NRXN1: variants seen among roughly 807,000 people sequenced by gnomAD.
NRXN1 encodes neurexin 1, also known as neurexin-1.
In NRXN1, 39 loss-of-function variants were observed where a neutral mutation model predicts 150.9. That is an observed-to-expected ratio of 0.26 (90% CI 0.20 to 0.34). The LOEUF (loss-of-function observed/expected upper bound fraction) is 0.34, where lower values mean the gene tolerates loss of function less well. Ranked by LOEUF, NRXN1 falls within the 10% of genes least tolerant of loss-of-function variation. The probability of loss-of-function intolerance (pLI) is 1.00; values close to 1 mark genes in which losing one functional copy is unlikely to be tolerated. For missense variants in NRXN1, 1,815 were observed against 1,949.9 expected, an observed-to-expected ratio of 0.93 and a Z score of 1.30; for synonymous variants, 924 against 757.0, an observed-to-expected ratio of 1.22 and a Z score of -3.62.
intron 22 of NRXN1, among the ~76,000 whole-genome samples, chr2:49,936,817 T>C (rs12465691): frequency 0.22 from 32,300 of 148,464 alleles, 3,652 homozygotes; most frequent in East Asian, 0.3. Flanking sequence ...AAAACATATG[T>C]ACACACACAC....
chr2:50,200,583 T>C (rs970521206), intron 18 of NRXN1, among the ~76,000 whole-genome samples: 2 of 152,158 alleles, frequency 1.3e-5, no homozygotes, highest in Non-Finnish European at 2.9e-5. Context: ...CAGGCTCTCA[T>C]TGGTGTAACC....
chr2:50,234,854 C>T (rs1167180480), intron 18 of NRXN1, among the ~76,000 whole-genome samples: 1 of 152,000 alleles, frequency 6.6e-6, no homozygotes, highest in Admixed American at 6.6e-5. Flanking sequence ...ATCAGAAATC[C>T]ATGGCTCGTA....
chr2:50,249,795 G>A (rs977409907), intron 17 of NRXN1, among the ~76,000 whole-genome samples: 3 of 151,860 alleles, frequency 2.0e-5, no homozygotes, highest in Admixed American at 6.6e-5. Flanking sequence ...GCGCCACTAT[G>A]GCTGTCAAAT....
Position 50,752,507 on chromosome 2 carries a change from T to C in NRXN1, c.833-128892A>G, listed in dbSNP as rs550740153. ...ACTATAGGATTTCAAACTGCTGATCTGGAGAGATGAATCGTGAAGCAATCT... is the reference window on the plus strand; with the variant it reads ...ACTATAGGATTTCAAACTGCTGATCCGGAGAGATGAATCGTGAAGCAATCT... On this transcript the variant is annotated intron_variant, in intron 5 of 22. Transcript: ENST00000401669. 6.6e-5 allele frequency among the ~76,000 whole-genome samples: 10 copies of C among 152,086 alleles called. No individual in the cohort carries two copies. The South Asian group carries it at 1.9e-3, about 28-fold the overall frequency.
At chr2:50,490,862 G>T (rs1383382872) in intron 15 of NRXN1, among the ~76,000 whole-genome samples, 5 of 152,050 alleles carry the variant, frequency 3.3e-5, no homozygotes, top group Non-Finnish European at 7.4e-5. Flanking sequence ...CAGCTGAAAG[G>T]GTTTCTTGTC....
At chr2:50,095,789 TATA>T (rs1441309237) in intron 18 of NRXN1, among the ~76,000 whole-genome samples, 2 of 150,500 alleles carry the variant, frequency 1.3e-5, no homozygotes, top group Admixed American at 1.3e-4. Context: ...ATTTTATATA[TATA>T]TTTTTTTATT....
intron 5 of NRXN1, among the ~76,000 whole-genome samples, chr2:50,903,310 C>G (rs1449825496): frequency 6.6e-6 from 1 of 152,088 alleles, no homozygotes; most frequent in Non-Finnish European, 1.5e-5. Context: ...TCTTGTTGAC[C>G]AAAATGACTT....
chr2:50,537,273 G>A (rs1161056197), intron 10 of NRXN1, among the ~76,000 whole-genome samples: 1 of 152,112 alleles, frequency 6.6e-6, no homozygotes, highest in Non-Finnish European at 1.5e-5. Flanking sequence ...ATAAAGCAAT[G>A]TTATTTGTAG....
At chr2:50,030,391 C>G (rs1689017183) in intron 21 of NRXN1, among the ~76,000 whole-genome samples, 1 of 152,068 alleles carries the variant, frequency 6.6e-6, no homozygotes, top group East Asian at 1.9e-4. Context: ...CCCCCATCTC[C>G]CAGTCTCTGT....
At chr2:50,599,334 G>A (rs750030629) in intron 8 of NRXN1, among the ~76,000 whole-genome samples, 3 of 152,018 alleles carry the variant, frequency 2.0e-5, no homozygotes, top group Non-Finnish European at 2.9e-5. Flanking sequence ...AAGCCACACC[G>A]CTCCAAATAA....
intron 21 of NRXN1, among the ~76,000 whole-genome samples, chr2:49,974,512 A>T (rs1224267620): frequency 1.3e-5 from 2 of 152,176 alleles, no homozygotes; most frequent in African/African-American, 4.8e-5. Context: ...CCCAGCCCTT[A>T]AACTGTTATG....
chr2:50,361,179 C>A (rs1463015414), intron 17 of NRXN1, among the ~76,000 whole-genome samples: 1 of 152,092 alleles, frequency 6.6e-6, no homozygotes, highest in Non-Finnish European at 1.5e-5. Flanking sequence ...CTAAAATCAA[C>A]ACCCTAACAT....
intron 5 of NRXN1, among the ~76,000 whole-genome samples, chr2:50,672,804 C>G (rs969738596): frequency 1.3e-5 from 2 of 151,960 alleles, no homozygotes; most frequent in Non-Finnish European, 2.9e-5. Flanking sequence ...TTCAGTGAAA[C>G]TTTTCCATGA....
intron 18 of NRXN1, among the ~76,000 whole-genome samples, chr2:50,208,622 G>A (rs1046869873): frequency 2.8e-4 from 42 of 151,974 alleles, no homozygotes; most frequent in African/African-American, 9.4e-4. Context: ...GAGCCTGCAG[G>A]GGCTGTACTC....
chr2:50,058,383 C>T (rs1238242265), intron 19 of NRXN1, among the ~76,000 whole-genome samples: 2 of 152,122 alleles, frequency 1.3e-5, no homozygotes, highest in African/African-American at 4.8e-5. Flanking sequence ...ATATCAGATG[C>T]CTACTAATTC....
intron 8 of NRXN1, among the ~76,000 whole-genome samples, chr2:50,599,071 C>T (rs1397541679): frequency 1.3e-5 from 2 of 151,896 alleles, no homozygotes; most frequent in Non-Finnish European, 2.9e-5. Flanking sequence ...CATGTCTGGC[C>T]AACTCTCCTA....
intron 5 of NRXN1, among the ~76,000 whole-genome samples, chr2:50,728,774 A>G (rs1697716916): frequency 6.6e-6 from 1 of 152,190 alleles, no homozygotes; most frequent in Non-Finnish European, 1.5e-5. Flanking sequence ...CTCCAATAAT[A>G]CAACTTCTAT....
At chr2:50,701,556 C>A (rs1559142876) in intron 5 of NRXN1, among the ~76,000 whole-genome samples, 1 of 152,132 alleles carries the variant, frequency 6.6e-6, no homozygotes, top group Non-Finnish European at 1.5e-5. Flanking sequence ...TACCTTATTA[C>A]CTCTGTTAGC....
chr2:50,685,523 G>A (rs566804537), intron 5 of NRXN1, among the ~76,000 whole-genome samples: 1 of 152,110 alleles, frequency 6.6e-6, no homozygotes, highest in African/African-American at 2.4e-5. Context: ...TTTCTTTCCA[G>A]TCTTTATTTT....
Sources: allele counts gnomAD v4.1 joint callset (sites outside exome capture counted in the v4.1 genomes callset), GRCh38; gene constraint gnomAD v4.1.1; transcripts MANE v1.5; gene names NCBI Gene and HGNC (gene_info 2026-07-23, HGNC 2026-07-21).